The following GPC6 variants were observed in gnomAD, a reference collection of about 807,000 sequenced individuals.
GPC6 encodes the protein glypican-6.
A neutral mutation model predicts 55.2 loss-of-function variants in GPC6; 14 were observed. That is an observed-to-expected ratio of 0.25 (90% CI 0.17 to 0.40). GPC6 has a LOEUF of 0.40. Among genes scored for constraint, GPC6 ranks in the 10% least tolerant of loss-of-function variants. The pLI is 1.00. For missense variants in GPC6, 641 were observed against 708.5 expected (o/e 0.90, Z 1.08); for synonymous variants, 278 against 259.6 (o/e 1.07, Z -0.68).
At chr13:93,513,146 T>C (rs1001477176) in intron 1 of GPC6, among the ~76,000 whole-genome samples, 12 of 152,182 alleles carry the variant, frequency 7.9e-5, no homozygotes, top group Non-Finnish European at 1.5e-4. Context: ...CTCTCTCCAG[T>C]GTAGCTTCTG....
intron 2 of GPC6, among the ~76,000 whole-genome samples, chr13:93,669,487 G>T (rs1224784663): frequency 6.6e-6 from 1 of 152,174 alleles, no homozygotes; most frequent in Admixed American, 6.6e-5. Context: ...TGGTACCTCT[G>T]TGTACCAGAC....
intron 1 of GPC6, among the ~76,000 whole-genome samples, chr13:93,499,587 C>G (rs1880448100): frequency 6.6e-6 from 1 of 152,148 alleles, no homozygotes; most frequent in African/African-American, 2.4e-5. Flanking sequence ...CTGATTAATT[C>G]ATGAGCTAGC....
At chr13:94,285,380 A>G (rs1594131792) in intron 4 of GPC6, among the ~76,000 whole-genome samples, 1 of 152,322 alleles carries the variant, frequency 6.6e-6, no homozygotes, top group East Asian at 1.9e-4. Flanking sequence ...GCCTAGTACC[A>G]TGGTCAGAGT....
At chr13:94,101,371 G>T (rs987722396) in intron 4 of GPC6, among the ~76,000 whole-genome samples, 1 of 152,138 alleles carries the variant, frequency 6.6e-6, no homozygotes, top group Non-Finnish European at 1.5e-5. Context: ...AAGCCTCTCT[G>T]AAAATCACCA....
intron 1 of GPC6, among the ~76,000 whole-genome samples, chr13:93,460,102 C>G (rs1158369706): frequency 3.3e-5 from 5 of 152,194 alleles, no homozygotes; most frequent in African/African-American, 9.6e-5. Context: ...ACAGTAATAT[C>G]TAGCTGGCTT....
intron 4 of GPC6, among the ~76,000 whole-genome samples, chr13:94,150,810 A>T (rs554317407): frequency 1.4e-5 from 2 of 140,816 alleles, no homozygotes; most frequent in South Asian, 4.5e-4. Flanking sequence ...GAGAGAGATC[A>T]GCAGTATATA....
At chr13:93,987,742 T>A (rs1055595030) in intron 3 of GPC6, among the ~76,000 whole-genome samples, 11 of 152,302 alleles carry the variant, frequency 7.2e-5, no homozygotes, top group Admixed American at 5.9e-4. Context: ...TAATCATCTG[T>A]TTGAAAGCTC....
chr13:93,625,955 A>C (rs1274747354), intron 2 of GPC6, among the ~76,000 whole-genome samples: 1 of 152,210 alleles, frequency 6.6e-6, no homozygotes, highest in Non-Finnish European at 1.5e-5. Context: ...ATAGTTTTCT[A>C]ATACTCAAGT....
At chr13:94,214,843 C>T (rs975728779) in intron 4 of GPC6, among the ~76,000 whole-genome samples, 1 of 152,110 alleles carries the variant, frequency 6.6e-6, no homozygotes, top group African/African-American at 2.4e-5. Context: ...GTCTGTTCTC[C>T]CAAGGAATTT....
At chr13:93,711,433 A>C (rs1883059495) in intron 2 of GPC6, among the ~76,000 whole-genome samples, 2 of 151,736 alleles carry the variant, frequency 1.3e-5, no homozygotes, top group Non-Finnish European at 2.9e-5. Flanking sequence ...GCCCTCCCTC[A>C]CAGGACACGT....
At chr13:93,912,626 C>T (rs1003586101) in intron 3 of GPC6, among the ~76,000 whole-genome samples, 2 of 152,102 alleles carry the variant, frequency 1.3e-5, no homozygotes, top group Admixed American at 6.6e-5. Flanking sequence ...GCCTGTAGTC[C>T]CAGCTACTCG....
intron 1 of GPC6, among the ~76,000 whole-genome samples, chr13:93,275,906 G>T (rs1051059901): frequency 6.6e-6 from 1 of 152,110 alleles, no homozygotes; most frequent in South Asian, 2.1e-4. Flanking sequence ...CAAGAGTCTG[G>T]CTCTGTCGCC....
intron 2 of GPC6, among the ~76,000 whole-genome samples, chr13:93,819,748 A>C (rs1886979619): frequency 6.6e-6 from 1 of 152,246 alleles, no homozygotes; most frequent in Non-Finnish European, 1.5e-5. Context: ...TTTCAGACTT[A>C]ATTCATGATT....
rs530301807 is a variant in GPC6, at chr13:93,811,332, T to C, written c.320-18822T>C. The stretch of plus-strand genomic sequence containing the variant: ...ACAAGCCATGCCCAACAAAACTAAT[T>C]TCCCTCTTTGACAGAGTGATTGATC... On this transcript the variant is annotated intron_variant, in intron 2 of 8. Transcript: ENST00000377047. 2.0e-5 allele frequency among the ~76,000 whole-genome samples: 3 copies of C among 152,290 alleles called. No homozygotes were observed. In the South Asian group the frequency reaches 6.2e-4, roughly 32 times the overall value.
rs543212725 is a variant in GPC6 at position 93,456,493 on chromosome 13, C to T, written c.161-88770C>T. Among the ~76,000 whole-genome samples, 10 of 151,988 alleles carry T rather than the reference C, an allele frequency of 6.6e-5. No individual in the cohort carries two copies. The East Asian group carries it at 1.8e-3, about 27-fold the overall frequency. ...AACTATTAGTTGTTCCCTCCTCTCCCCTAACATACATTATCTTCTGCTTGA... is the reference window on the plus strand; with the variant it reads ...AACTATTAGTTGTTCCCTCCTCTCCTCTAACATACATTATCTTCTGCTTGA... On this transcript the variant is annotated intron_variant, in intron 1 of 8. Transcript: ENST00000377047.
intron 1 of GPC6, among the ~76,000 whole-genome samples, chr13:93,231,395 A>ATATG (rs1421458620): frequency 4.2e-5 from 1 of 23,690 alleles, no homozygotes; most frequent in African/African-American, 1.9e-4. Context: ...ATATATATAT[A>ATATG]TGTATATATA....
chr13:93,401,222 C>T (rs1471383793), intron 1 of GPC6, among the ~76,000 whole-genome samples: 1 of 148,244 alleles, frequency 6.7e-6, no homozygotes, highest in African/African-American at 2.5e-5. Flanking sequence ...TTTTTGCTGC[C>T]GTATTCCTGG....
At chr13:93,821,329 A>G (rs1477851128) in intron 2 of GPC6, among the ~76,000 whole-genome samples, 1 of 152,168 alleles carries the variant, frequency 6.6e-6, no homozygotes, top group Non-Finnish European at 1.5e-5. Context: ...TCTCTGAAAC[A>G]CTTGTTTTCA....
At chr13:93,882,962 G>A (rs973359340) in intron 3 of GPC6, among the ~76,000 whole-genome samples, 3 of 152,164 alleles carry the variant, frequency 2.0e-5, no homozygotes, top group Non-Finnish European at 2.9e-5. Flanking sequence ...GTATTATTAC[G>A]TCAATCTTAC....
Sources: allele counts gnomAD v4.1 joint callset (sites outside exome capture counted in the v4.1 genomes callset), GRCh38; gene constraint gnomAD v4.1.1; transcripts MANE v1.5; gene names NCBI Gene and HGNC (gene_info 2026-07-23, HGNC 2026-07-21).